Variants in MAP7 observed in about 807,000 individuals in gnomAD.
MAP7 encodes the protein ensconsin.
Under a neutral mutation model 94.8 loss-of-function variants are expected in MAP7, and 52 were observed. The observed-to-expected ratio is 0.55, with a 90% CI of 0.44 to 0.69. The LOEUF (loss-of-function observed/expected upper bound fraction) is 0.69, where lower values mean the gene tolerates loss of function less well. Among genes scored for constraint, MAP7 ranks in the 30% least tolerant of loss-of-function variants. The probability of loss-of-function intolerance (pLI) is 0.00; values close to 1 mark genes in which losing one functional copy is unlikely to be tolerated. For missense variants in MAP7, 940 were observed against 964.6 expected (o/e 0.97, Z 0.34); for synonymous variants, 350 against 357.0 (o/e 0.98, Z 0.22).
At chr6:136,526,019 C>T in intron 1 of MAP7, 1 of 1,469,380 alleles carries the variant, frequency 6.8e-7, no homozygotes, top group Non-Finnish European at 8.9e-7. Flanking sequence ...AAAATATATG[C>T]TTATGTAATT....
intron 6 of MAP7, among the ~76,000 whole-genome samples, chr6:136,381,941 A>C (rs1207404824): frequency 2.2e-5 from 3 of 134,606 alleles, no homozygotes; most frequent in Non-Finnish European, 3.2e-5. Flanking sequence ...GAGAGAATGC[A>C]TGGAGTCAGA....
intron 6 of MAP7, 115 bp downstream of exon 6, chr6:136,383,556 C>T (rs1778361522): frequency 1.8e-6 from 1 of 542,472 alleles, no homozygotes; most frequent in Non-Finnish European, 3.2e-6. Context: ...TTTTTTCTTC[C>T]TATTTAAGAA....
At chr6:136,354,081 T>C (rs1385306412) in intron 16 of MAP7, among the ~76,000 whole-genome samples, 1 of 147,072 alleles carries the variant, frequency 6.8e-6, no homozygotes, top group Non-Finnish European at 1.5e-5. Context: ...TTTGTAAAAA[T>C]AATACAAGTA....
At chr6:136,357,132 G>C in intron 15 of MAP7, among the ~76,000 whole-genome samples, 1 of 152,182 alleles carries the variant, frequency 6.6e-6, no homozygotes, top group Non-Finnish European at 1.5e-5. Flanking sequence ...AAAGATAGCA[G>C]TAAGCTGACT....
chr6:136,500,711 T>C (rs1322822228), intron 1 of MAP7, among the ~76,000 whole-genome samples: 4 of 152,224 alleles, frequency 2.6e-5, no homozygotes. Flanking sequence ...TTCTTAAAAA[T>C]CAGGTGTTTC....
chr6:136,542,058 CA>C (rs1379459368), intron 1 of MAP7, among the ~76,000 whole-genome samples: 1 of 151,812 alleles, frequency 6.6e-6, no homozygotes, highest in Non-Finnish European at 1.5e-5. Flanking sequence ...GACTCTGTCT[CA>C]AAAAATATAT....
rs553826209 is a variant in MAP7, at chr6:136,550,030, G to A, written c.67+312C>T. 3.0e-3 allele frequency among the ~76,000 whole-genome samples: 452 copies of A among 152,230 alleles called. 5 individuals are homozygous for A. The highest frequency in any genetic ancestry group is 0.01 in the African/African-American group (431 of 41,572). On this transcript the variant is annotated intron_variant, in intron 1 of 17. Transcript: ENST00000354570. This position sits in a 1 kb window ranked among gnomAD's most constrained non-coding sequence, Gnocchi z 5.1. ...TTAGACCCGAGGCCGCGGCGGGGAG[G>A]GCAGCGGCCGGGGTCTCTCCGTTTC...
chr6:136,383,745 G>A lies in MAP7; in HGVS notation c.563C>T (p.Ser188Leu), dbSNP rs371940141. Reference sequence around the variant, plus strand: ...GCTAATGACGGGATCAACATATTTCGAAAGATTCATGGTGGAAACTGACCG... The same window carrying A: ...GCTAATGACGGGATCAACATATTTCAAAAGATTCATGGTGGAAACTGACCG... ...DRRSVSTMNL[S>L]KYVDPVISKR... Residue 188 changes from serine to leucine, a missense_variant, in exon 6 of 18, where the codon TCG (serine) becomes TTG (leucine). Physicochemically the swap from Ser to Leu is moderately radical, Grantham distance 145. Coordinates refer to ENST00000354570, the MANE Select transcript of MAP7 (RefSeq NM_003980.6). The A allele has an allele frequency of 3.7e-6, 6 of 1,610,776 alleles. No individual in the cohort carries two copies. Among genetic ancestry groups the A allele is most frequent in the African/African-American group, 2.7e-5 (2 of 74,722 alleles).
chr6:136,536,179 A>T (rs900743573), intron 1 of MAP7, among the ~76,000 whole-genome samples: 23 of 152,308 alleles, frequency 1.5e-4, no homozygotes, highest in Admixed American at 7.8e-4. Context: ...TAATTTTTTT[A>T]AAAAATATGA....
chr6:136,405,363 G>T (rs965006911), intron 3 of MAP7, among the ~76,000 whole-genome samples: 3 of 152,194 alleles, frequency 2.0e-5, no homozygotes, highest in Non-Finnish European at 2.9e-5. Context: ...CTGAAAATTT[G>T]AGTAAGATGG....
At chr6:136,458,595 G>A (rs185167374) in intron 1 of MAP7, among the ~76,000 whole-genome samples, 2 of 152,184 alleles carry the variant, frequency 1.3e-5, no homozygotes, top group Non-Finnish European at 2.9e-5. Flanking sequence ...ACAGAATAGG[G>A]AGCCCAGAAA....
At chr6:136,507,570 T>C (rs973937631) in intron 1 of MAP7, among the ~76,000 whole-genome samples, 2 of 152,118 alleles carry the variant, frequency 1.3e-5, no homozygotes, top group Non-Finnish European at 2.9e-5. Flanking sequence ...ACACAAAATT[T>C]AGACATCTTA....
At chr6:136,431,720 C>T (rs1429942545) in intron 1 of MAP7, among the ~76,000 whole-genome samples, 1 of 152,030 alleles carries the variant, frequency 6.6e-6, no homozygotes, top group East Asian at 1.9e-4. Context: ...GTTTCACCAT[C>T]TTGGTAAAGC....
chr6:136,423,556 CCA>C (rs551587423), intron 1 of MAP7, among the ~76,000 whole-genome samples: 17 of 151,982 alleles, frequency 1.1e-4, no homozygotes, highest in Non-Finnish European at 2.4e-4. Context: ...TTCAGCTCAG[CCA>C]CAGTTATACC....
At chr6:136,425,432 A>T (rs1244649770) in intron 1 of MAP7, among the ~76,000 whole-genome samples, 1 of 152,224 alleles carries the variant, frequency 6.6e-6, no homozygotes, top group Non-Finnish European at 1.5e-5. Flanking sequence ...GTTGAACCAC[A>T]TGAAATAGCC....
In MAP7 at chr6:136,344,195, T is replaced by G; in HGVS notation, c.*33A>C. On this transcript the variant is annotated 3_prime_UTR_variant, in exon 18 of 18. Transcript: ENST00000354570. ...TTCCATTAATTGTAGAAATTCTCAT[T>G]AAATTTCAGCTTTGGTTCTTCAGAA... 1 of 1,231,614 alleles carries G rather than the reference T, an allele frequency of 8.1e-7. No homozygotes were observed. The highest frequency in any genetic ancestry group is 2.8e-5 in the East Asian group (1 of 35,722). The allele number at this position is 1,231,614 out of a possible 1,614,324, so 76.3% of individuals were successfully genotyped here.
intron 1 of MAP7, among the ~76,000 whole-genome samples, chr6:136,433,596 C>T (rs368959559): frequency 1.3e-4 from 20 of 152,306 alleles, no homozygotes; most frequent in East Asian, 7.7e-4. Flanking sequence ...CAAGAAGCCA[C>T]GCTATTCGGA....
At chr6:136,361,684 T>C (rs1792831077) in intron 11 of MAP7, among the ~76,000 whole-genome samples, 1 of 152,184 alleles carries the variant, frequency 6.6e-6, no homozygotes, top group South Asian at 2.1e-4. Context: ...GTTGTGTTCG[T>C]TTGAAGAACA....
intron 1 of MAP7, 56 bp from the exon 2 acceptor site, chr6:136,421,855 G>T (rs762517778): frequency 7.3e-7 from 1 of 1,376,612 alleles, no homozygotes; most frequent in Non-Finnish European, 1.0e-6. Flanking sequence ...AATTTCTTCA[G>T]AAACATTTAA....
Sources: allele counts gnomAD v4.1 joint callset (sites outside exome capture counted in the v4.1 genomes callset), GRCh38; gene constraint gnomAD v4.1.1; non-coding constraint Gnocchi (gnomAD v3.1); transcripts MANE v1.5; gene names NCBI Gene and HGNC (gene_info 2026-07-23, HGNC 2026-07-21).